Variants in NTM observed in about 807,000 individuals in gnomAD.
The protein encoded by NTM is IgLON family member 2.
NTM carries 13 observed loss-of-function variants against 42.1 expected under a neutral mutation model. The ratio of observed to expected loss-of-function variants is 0.31; its 90% CI spans 0.20 to 0.49. NTM has a LOEUF of 0.49. NTM is among the 20% of genes least tolerant of loss of function. The pLI is 0.99. For missense variants in NTM, 373 were observed against 452.8 expected (o/e 0.82, Z 1.60); for synonymous variants, 187 against 179.2 (o/e 1.04, Z -0.35).
chr11:132,048,825 T>C (rs28636606), intron 2 of NTM, among the ~76,000 whole-genome samples: 14 of 104,438 alleles, frequency 1.3e-4, no homozygotes, highest in East Asian at 1.3e-3. Context: ...TTTCTTTTTT[T>C]TTTTTTTTTT....
At chr11:131,387,368 G>A (rs1470996352) in intron 1 of NTM, among the ~76,000 whole-genome samples, 1 of 151,340 alleles carries the variant, frequency 6.6e-6, no homozygotes, top group Non-Finnish European at 1.5e-5. Flanking sequence ...CTGCTCCATC[G>A]CCCCACCAAA....
intron 2 of NTM, among the ~76,000 whole-genome samples, chr11:131,915,962 A>C (rs1218877420): frequency 6.6e-6 from 1 of 152,186 alleles, no homozygotes; most frequent in East Asian, 1.9e-4. Flanking sequence ...CATATCAGGC[A>C]CTGAGCTGGG....
chr11:132,170,437 T>C (rs903421465), intron 3 of NTM, among the ~76,000 whole-genome samples: 2 of 152,240 alleles, frequency 1.3e-5, no homozygotes, highest in Admixed American at 6.5e-5. Context: ...AAAGCTCTAT[T>C]AGATCCACAT....
At chr11:131,749,747 C>T (rs1193380804) in intron 1 of NTM, among the ~76,000 whole-genome samples, 4 of 152,134 alleles carry the variant, frequency 2.6e-5, no homozygotes, top group Non-Finnish European at 5.9e-5. Context: ...GACAGGTGCC[C>T]ACCACCATGC....
intron 2 of NTM, among the ~76,000 whole-genome samples, chr11:132,069,564 A>C (rs182839180): frequency 4.5e-4 from 63 of 141,526 alleles, no homozygotes; most frequent in African/African-American, 9.7e-4. Context: ...TAACACGTCA[A>C]ACTGACCGTC....
At chr11:131,650,513 G>A (rs763035365) in intron 1 of NTM, among the ~76,000 whole-genome samples, 1 of 152,162 alleles carries the variant, frequency 6.6e-6, no homozygotes, top group Non-Finnish European at 1.5e-5. Flanking sequence ...TGGTTTCTCA[G>A]TAAAGACTAT....
chr11:131,876,317 G>T (rs577675525), intron 1 of NTM, among the ~76,000 whole-genome samples: 5 of 152,290 alleles, frequency 3.3e-5, no homozygotes, highest in Admixed American at 3.3e-4. Context: ...CATAAAGCTT[G>T]TGATGAAGAT....
At chr11:132,196,405 T>TTTC (rs1169007443) in intron 3 of NTM, among the ~76,000 whole-genome samples, 15 of 152,120 alleles carry the variant, frequency 9.9e-5, no homozygotes, top group Non-Finnish European at 2.1e-4. Flanking sequence ...TCAAAGGACT[T>TTTC]AGAACTACCT....
intron 2 of NTM, among the ~76,000 whole-genome samples, chr11:132,128,325 TAATG>T (rs2066203016): frequency 6.6e-6 from 1 of 152,158 alleles, no homozygotes; most frequent in African/African-American, 2.4e-5. Flanking sequence ...GTCCTACAGA[TAATG>T]AATGTCTTTT....
intron 3 of NTM, among the ~76,000 whole-genome samples, chr11:132,201,098 T>A (rs1300483342): frequency 6.6e-6 from 1 of 152,098 alleles, no homozygotes; most frequent in Non-Finnish European, 1.5e-5. Context: ...TGACCCCTAT[T>A]GAAAAGGTAG....
At chr11:131,768,447 C>G (rs2085501609) in intron 1 of NTM, among the ~76,000 whole-genome samples, 1 of 152,140 alleles carries the variant, frequency 6.6e-6, no homozygotes, top group East Asian at 1.9e-4. Context: ...CTAGTTTGAG[C>G]TGAATTCGGA....
chr11:131,534,862 A>G (rs1228790541), intron 1 of NTM: 1 of 152,144 alleles, frequency 6.6e-6, no homozygotes, highest in Non-Finnish European at 1.5e-5. Flanking sequence ...GCCCTTGATG[A>G]CTGGCGTGGA....
At chr11:132,108,585 T>G (rs1444605299) in intron 2 of NTM, among the ~76,000 whole-genome samples, 1 of 152,124 alleles carries the variant, frequency 6.6e-6, no homozygotes, top group African/African-American at 2.4e-5. Flanking sequence ...CAGTGTACAC[T>G]GTTCGGGTGA....
chr11:132,190,736 T>TAAAAAAA (rs35431586), intron 3 of NTM, among the ~76,000 whole-genome samples: 7 of 132,716 alleles, frequency 5.3e-5, no homozygotes, highest in African/African-American at 1.9e-4. Context: ...GAATCCATCT[T>TAAAAAAA]AAAAAAAAAA....
At chr11:131,957,993 G>A (rs1399579205) in intron 2 of NTM, among the ~76,000 whole-genome samples, 4 of 152,110 alleles carry the variant, frequency 2.6e-5, no homozygotes. Context: ...CAGGCTTCAT[G>A]GTTGATTGCT....
At chr11:132,261,894 G>C (rs753503) in intron 4 of NTM, among the ~76,000 whole-genome samples, 63,237 of 152,092 alleles carry the variant, frequency 0.42, 13,578 homozygotes, top group Middle Eastern at 0.52. Flanking sequence ...TAAAGCCAAG[G>C]TGGGTGACTG....
chr11:131,453,699 A>G (rs1950654677), intron 1 of NTM, among the ~76,000 whole-genome samples: 1 of 152,220 alleles, frequency 6.6e-6, no homozygotes, highest in Admixed American at 6.5e-5. Flanking sequence ...GGAACTGTCT[A>G]AAGTTCCCAA....
At chr11:131,832,547 T>C (rs1394838490) in intron 1 of NTM, among the ~76,000 whole-genome samples, 2 of 152,324 alleles carry the variant, frequency 1.3e-5, no homozygotes, top group East Asian at 3.9e-4. Flanking sequence ...CAGTAGCCTA[T>C]GAAAATTAAT....
intron 2 of NTM, among the ~76,000 whole-genome samples, chr11:131,992,291 C>G (rs911880953): frequency 6.6e-6 from 1 of 152,084 alleles, no homozygotes; most frequent in African/African-American, 2.4e-5. Flanking sequence ...CAAATATGAT[C>G]AATAATGCAA....
Sources: gnomAD v4.1 joint callset for allele counts (sites outside exome capture counted in the v4.1 genomes callset) on GRCh38, gnomAD v4.1.1 for gene constraint, MANE v1.5 for transcripts, NCBI Gene and HGNC (gene_info 2026-07-23, HGNC 2026-07-21) for gene names.